The following DPYD variants were observed in gnomAD, a reference collection of about 807,000 sequenced individuals.
DPYD encodes dihydropyrimidine dehydrogenase [NADP(+)].
Under a neutral mutation model 116.2 loss-of-function variants are expected in DPYD, and 109 were observed. The observed-to-expected ratio is 0.94, with a 90% CI of 0.80 to 1.10. The LOEUF is 1.10. Among genes scored for constraint, DPYD ranks in the 50% least tolerant of loss-of-function variants. DPYD has a pLI of 0.00. For synonymous variants in DPYD, 440 were observed against 432.0 expected (o/e 1.02, Z -0.23); for missense variants, 1,302 against 1,254.5 (o/e 1.04, Z -0.57).
In DPYD at chr1:97,889,309, T is replaced by C. The variant is rs573820680; in HGVS notation, c.40-5935A>G. On this transcript the variant is annotated intron_variant, in intron 1 of 22. Transcript: ENST00000370192. ...AGTATAGGTAATTATGAAATTATAA[T>C]AGTATAAATGTATACTGTCAGACTA... is the stretch of plus-strand genomic sequence containing the variant. Among the ~76,000 whole-genome samples, 4 of 152,182 alleles carry C rather than the reference T, an allele frequency of 2.6e-5. No homozygotes were observed. The East Asian group carries it at 7.8e-4, about 30-fold the overall frequency.
chr1:97,601,700 C>A (rs896774884), intron 8 of DPYD, among the ~76,000 whole-genome samples: 3 of 151,884 alleles, frequency 2.0e-5, no homozygotes, highest in Non-Finnish European at 4.4e-5. Flanking sequence ...ATTCTAGGAT[C>A]TATATATTGA....
rs539617340 is a variant in DPYD, at chr1:97,178,149, G to T, written c.2622+14920C>A. Among the ~76,000 whole-genome samples the T allele has an allele frequency of 7.9e-5, 12 of 152,300 alleles. No individual in the cohort carries two copies. In the South Asian group the frequency reaches 2.5e-3, roughly 32 times the overall value. ...ACATCTTAGCTGTATGTTATGGAAA[G>T]AAAGGCTATGTGGTAGCCTGGAGCA... On this transcript the variant is annotated intron_variant, in intron 20 of 22. Coordinates refer to ENST00000370192, the MANE Select transcript of DPYD (RefSeq NM_000110.4).
intron 12 of DPYD, among the ~76,000 whole-genome samples, chr1:97,548,206 A>C (rs1651046285): frequency 6.6e-6 from 1 of 152,220 alleles, no homozygotes; most frequent in Non-Finnish European, 1.5e-5. Context: ...AATTTTATTA[A>C]CAAGAGCAAA....
At chr1:97,520,147 T>G (rs1648541424) in intron 12 of DPYD, among the ~76,000 whole-genome samples, 1 of 152,172 alleles carries the variant, frequency 6.6e-6, no homozygotes, top group Non-Finnish European at 1.5e-5. Context: ...TTCATTCATT[T>G]ACTTATTCAG....
intron 8 of DPYD, among the ~76,000 whole-genome samples, chr1:97,675,913 TA>T (rs1292686038): frequency 2.0e-5 from 3 of 152,006 alleles, no homozygotes; most frequent in African/African-American, 7.2e-5. Flanking sequence ...CACACCCAGC[TA>T]ATTTTTGTAT....
intron 20 of DPYD, among the ~76,000 whole-genome samples, chr1:97,126,161 C>T (rs1260142292): frequency 6.6e-6 from 1 of 152,048 alleles, no homozygotes; most frequent in Non-Finnish European, 1.5e-5. Context: ...TCCAGAACTG[C>T]TCTTTTGGCC....
At chr1:97,370,512 C>T (rs965377504) in intron 16 of DPYD, among the ~76,000 whole-genome samples, 2 of 152,100 alleles carry the variant, frequency 1.3e-5, no homozygotes, top group African/African-American at 4.8e-5. Context: ...TGCAGCAAAC[C>T]ACCATGGGAC....
chr1:97,819,180 T>A (rs77250873), intron 3 of DPYD, among the ~76,000 whole-genome samples: 132 of 152,080 alleles, frequency 8.7e-4, no homozygotes, highest in African/African-American at 3.1e-3. Flanking sequence ...ATAGAAATGA[T>A]AAAGATAACA....
At chr1:97,904,319 C>T (rs568777594) in intron 1 of DPYD, among the ~76,000 whole-genome samples, 1 of 152,036 alleles carries the variant, frequency 6.6e-6, no homozygotes, top group East Asian at 1.9e-4. Context: ...GCAAGGTAAT[C>T]ATAACATTTC....
At chr1:97,181,154 C>T (rs78793439) in intron 20 of DPYD, among the ~76,000 whole-genome samples, 2,216 of 152,196 alleles carry the variant, frequency 0.015, 54 homozygotes, top group African/African-American at 0.049. Flanking sequence ...CTTTGAATCA[C>T]GAGCTTCCTC....
intron 3 of DPYD, among the ~76,000 whole-genome samples, chr1:97,786,730 T>G (rs975562303): frequency 3.9e-5 from 6 of 152,224 alleles, no homozygotes; most frequent in Admixed American, 2.0e-4. Context: ...AATTACACAT[T>G]CTGAAGGCAA....
intron 1 of DPYD, among the ~76,000 whole-genome samples, chr1:97,904,980 G>C (rs990467360): frequency 2.0e-5 from 3 of 151,814 alleles, no homozygotes; most frequent in African/African-American, 7.3e-5. Flanking sequence ...AATTTCTCCA[G>C]GAAAGTTGAC....
intron 14 of DPYD, among the ~76,000 whole-genome samples, chr1:97,402,596 C>A (rs545467118): frequency 3.3e-5 from 5 of 152,102 alleles, no homozygotes; most frequent in African/African-American, 1.2e-4. Flanking sequence ...AACTTGTATA[C>A]CCTGTTCCCA....
chr1:97,420,831 A>G lies in DPYD; in HGVS notation c.1905+29228T>C, dbSNP rs117241764. ...CTTCTAGTCATTCTTCAAGATGCCA[A>G]TCAAGAGTCACTTTCTCTGGAAGGT... On this transcript the variant is annotated intron_variant, in intron 14 of 22. Transcript: ENST00000370192. Among the ~76,000 whole-genome samples the G allele has an allele frequency of 8.7e-3, 1,318 of 152,280 alleles. 30 individuals carry two copies. The highest frequency in any genetic ancestry group is 0.058 in the East Asian group (299 of 5,176).
intron 16 of DPYD, among the ~76,000 whole-genome samples, chr1:97,322,115 G>A (rs1361334584): frequency 2.3e-5 from 3 of 133,236 alleles, no homozygotes. Flanking sequence ...GGATAGCATT[G>A]GGAGATATAC....
At chr1:97,702,938 A>T (rs1252621215) in intron 5 of DPYD, among the ~76,000 whole-genome samples, 1 of 152,006 alleles carries the variant, frequency 6.6e-6, no homozygotes, top group African/African-American at 2.4e-5. Flanking sequence ...ACTCTTAAAA[A>T]GTGTTTGAAG....
At chr1:97,728,935 C>T (rs1037895902) in intron 4 of DPYD, among the ~76,000 whole-genome samples, 1 of 151,628 alleles carries the variant, frequency 6.6e-6, no homozygotes, top group African/African-American at 2.4e-5. Context: ...CTGCCCTCAT[C>T]GTACTCATAC....
At chr1:97,897,601 T>A (rs760625538) in intron 1 of DPYD, among the ~76,000 whole-genome samples, 1 of 151,902 alleles carries the variant, frequency 6.6e-6, no homozygotes, top group Non-Finnish European at 1.5e-5. Context: ...TATTGCTATG[T>A]CCTCAAGTTA....
intron 2 of DPYD, among the ~76,000 whole-genome samples, chr1:97,844,026 T>C (rs981921627): frequency 1.3e-5 from 2 of 152,054 alleles, no homozygotes; most frequent in African/African-American, 4.8e-5. Context: ...GAAATAAAGA[T>C]CTATTACAAA....
Sources: allele counts gnomAD v4.1 joint callset (sites outside exome capture counted in the v4.1 genomes callset), GRCh38; gene constraint gnomAD v4.1.1; transcripts MANE v1.5; gene names NCBI Gene and HGNC (gene_info 2026-07-23, HGNC 2026-07-21).